Variants in CNGA1 observed in about 807,000 individuals in gnomAD.
The protein encoded by CNGA1 is cyclic nucleotide gated channel subunit alpha 1.
Under a neutral mutation model 69.7 loss-of-function variants are expected in CNGA1, and 53 were observed. The ratio of observed to expected loss-of-function variants is 0.76; its 90% confidence interval spans 0.61 to 0.96. The LOEUF (loss-of-function observed/expected upper bound fraction) is 0.96, where lower values mean the gene tolerates loss of function less well. Ranked by LOEUF, CNGA1 falls within the 40% of genes least tolerant of loss-of-function variation. The probability of loss-of-function intolerance (pLI) is 0.00; values close to 1 mark genes in which losing one functional copy is unlikely to be tolerated. For synonymous variants in CNGA1, 249 were observed against 283.5 expected (o/e 0.88, Z 1.22); for missense variants, 739 against 811.2 (o/e 0.91, Z 1.08).
intron 2 of CNGA1, among the ~76,000 whole-genome samples, chr4:48,009,665 G>A (rs145441925): frequency 1.3e-5 from 2 of 152,012 alleles, no homozygotes; most frequent in Admixed American, 1.3e-4. Flanking sequence ...TTAGCCATGT[G>A]TGGTGGTGCT....
intron 2 of CNGA1, among the ~76,000 whole-genome samples, chr4:48,007,787 G>GA (rs1714986900): frequency 6.6e-6 from 1 of 152,040 alleles, no homozygotes; most frequent in African/African-American, 2.4e-5. Context: ...AAAGGCAAAA[G>GA]AAAAACCCTT....
chr4:47,936,514 G>T lies in CNGA1; in HGVS notation c.1968C>A (p.Thr656=), dbSNP rs1267362552. The change falls in exon 11 of 11, where the codon ACC becomes ACA. Residue 656 remains threonine, a synonymous_variant. Coordinates refer to ENST00000514170, the MANE Select transcript of CNGA1 (RefSeq NM_001379270.1). The part of the protein sequence containing the change: ...SMQQKLKQRL[T]KVEKFLKPLI... ...GCGGTTTCAGAAATTTCTCAACCTT[G>T]GTTAATCTTTGTTTCAGTTTCTGCT... 1 of 1,614,090 alleles carries T rather than the reference G, an allele frequency of 6.2e-7. No individual in the cohort carries two copies. The highest frequency in any genetic ancestry group is 1.1e-5 in the South Asian group (1 of 91,076).
chr4:47,961,822 T>C (rs1157801413), intron 3 of CNGA1, among the ~76,000 whole-genome samples: 1 of 152,194 alleles, frequency 6.6e-6, no homozygotes, highest in Non-Finnish European at 1.5e-5. Flanking sequence ...GAAGACTGGA[T>C]TTTAAACTTT....
intron 3 of CNGA1, chr4:47,959,009 TTTGA>T (rs1202203782): frequency 6.6e-6 from 1 of 152,216 alleles, no homozygotes; most frequent in African/African-American, 2.4e-5. Context: ...ACAGAATTAC[TTTGA>T]TTGTTTATAG....
At chr4:47,950,698 A>T (rs1170194880) in intron 5 of CNGA1, among the ~76,000 whole-genome samples, 1 of 152,184 alleles carries the variant, frequency 6.6e-6, no homozygotes, top group East Asian at 1.9e-4. Flanking sequence ...ATTATGTAAA[A>T]CAGGTGGAAA....
At chr4:48,012,909 A>C (rs1715231546) in intron 1 of CNGA1, 2 of 152,036 alleles carry the variant, frequency 1.3e-5, no homozygotes, top group African/African-American at 4.8e-5. Context: ...GTCTCTGGCT[A>C]TAGACTGCTC....
intron 2 of CNGA1, among the ~76,000 whole-genome samples, chr4:47,983,779 A>C (rs1401854027): frequency 6.6e-6 from 1 of 152,170 alleles, no homozygotes; most frequent in Non-Finnish European, 1.5e-5. Flanking sequence ...ACTTTCTTCA[A>C]ATCCTAAAAC....
At chr4:47,970,771 CT>C (rs1265077798) in intron 3 of CNGA1, 1 of 399,012 alleles carries the variant, frequency 2.5e-6, no homozygotes, top group Admixed American at 2.6e-5. Context: ...CCTCTGGTAC[CT>C]TGTTATTTTT....
At chr4:48,004,719 A>G (rs1040728899) in intron 2 of CNGA1, among the ~76,000 whole-genome samples, 1 of 152,314 alleles carries the variant, frequency 6.6e-6, no homozygotes, top group Non-Finnish European at 1.5e-5. Flanking sequence ...ACTACTCTGA[A>G]GTCCACATAT....
intron 3 of CNGA1, among the ~76,000 whole-genome samples, chr4:47,977,159 G>A (rs1220570945): frequency 1.3e-5 from 2 of 152,184 alleles, no homozygotes; most frequent in African/African-American, 4.8e-5. Flanking sequence ...ACCCCAGAAT[G>A]TGACGGTTTT....
chr4:47,984,372 C>G (rs1741880103), intron 2 of CNGA1, among the ~76,000 whole-genome samples: 1 of 152,004 alleles, frequency 6.6e-6, no homozygotes, highest in Non-Finnish European at 1.5e-5. Context: ...AATCACGGCA[C>G]TTTGGGAGGT....
chr4:47,936,666 C>A lies in CNGA1; in HGVS notation c.1816G>T (p.Asp606Tyr). 1.2e-6 allele frequency: 2 copies of A among 1,614,142 alleles called. No homozygotes were observed. Among genetic ancestry groups the A allele is most frequent in the Non-Finnish European group, 1.7e-6 (2 of 1,180,022 alleles). ...KQILMKDGLL[D>Y]LNIANAGSDP... is the part of the protein sequence containing the mutation. Reference sequence around the variant, plus strand: ...CTGCCAGCATTTGCAATGTTTAGATCCAGTAGACCATCTTTCATTAAAATC... The same window carrying A: ...CTGCCAGCATTTGCAATGTTTAGATACAGTAGACCATCTTTCATTAAAATC... Residue 606 changes from aspartate (D) to tyrosine (Y), a missense_variant, in exon 11 of 11, where the codon GAT becomes TAT. Physicochemically the swap from Asp to Tyr is radical, Grantham distance 160. Transcript: ENST00000514170.
intron 4 of CNGA1, among the ~76,000 whole-genome samples, chr4:47,952,129 G>C (rs927631314): frequency 1.3e-5 from 2 of 152,070 alleles, no homozygotes; most frequent in African/African-American, 2.4e-5. Flanking sequence ...TTGGGAGGCC[G>C]AGGCAGGCAG....
chr4:47,969,540 G>C (rs1334125106), intron 3 of CNGA1, among the ~76,000 whole-genome samples: 1 of 151,950 alleles, frequency 6.6e-6, no homozygotes, highest in African/African-American at 2.4e-5. Context: ...CACAATCTCG[G>C]CTCACTGCAA....
chr4:48,002,852 C>T (rs1257251000), intron 2 of CNGA1, among the ~76,000 whole-genome samples: 3 of 152,112 alleles, frequency 2.0e-5, no homozygotes, highest in Admixed American at 1.3e-4. Flanking sequence ...TAGCAGGACT[C>T]AGGCTCCCCT....
intron 3 of CNGA1, among the ~76,000 whole-genome samples, chr4:47,962,023 A>T (rs1284054975): frequency 2.0e-5 from 3 of 152,170 alleles, no homozygotes; most frequent in African/African-American, 4.8e-5. Context: ...TAAAAAAAGA[A>T]TGCAAGATAT....
At chr4:47,952,784 T>C in intron 3 of CNGA1, 81 bp from the exon 4 acceptor site, 2 of 1,026,628 alleles carry the variant, frequency 1.9e-6, no homozygotes, top group South Asian at 4.7e-5. Flanking sequence ...CCCTATGTAT[T>C]AGTCTGTCCT....
At chr4:47,954,312 T>C (rs1739929069) in intron 3 of CNGA1, among the ~76,000 whole-genome samples, 2 of 152,146 alleles carry the variant, frequency 1.3e-5, no homozygotes, top group Admixed American at 1.3e-4. Context: ...AAACAGTTCA[T>C]ATGACCTGAT....
intron 1 of CNGA1, among the ~76,000 whole-genome samples, chr4:48,013,163 G>A (rs754449148): frequency 6.6e-6 from 1 of 152,142 alleles, no homozygotes; most frequent in Non-Finnish European, 1.5e-5. Context: ...TTGTCCTATT[G>A]GTTTGAGCTG....
Sources: allele counts gnomAD v4.1 joint callset (sites outside exome capture counted in the v4.1 genomes callset), GRCh38; gene constraint gnomAD v4.1.1; transcripts MANE v1.5; gene names NCBI Gene and HGNC (gene_info 2026-07-23, HGNC 2026-07-21).